The following CFAP91 variants were observed in gnomAD, a reference collection of about 807,000 sequenced individuals.
CFAP91 encodes the protein cilia- and flagella-associated protein 91.
Under a neutral mutation model 95.9 loss-of-function variants are expected in CFAP91, and 85 were observed. That is an observed-to-expected ratio of 0.89 (90% CI 0.74 to 1.06). CFAP91 has a LOEUF of 1.06. CFAP91 is among the 50% of genes least tolerant of loss of function. CFAP91 has a pLI of 0.00. For synonymous variants in CFAP91, 335 were observed against 327.5 expected (o/e 1.02, Z -0.25); for missense variants, 962 against 943.4 (o/e 1.02, Z -0.26).
chr3:119,752,519 ATGT>A (rs1182618385), intron 17 of CFAP91: 23 of 152,354 alleles, frequency 1.5e-4, no homozygotes, highest in African/African-American at 5.0e-4. Context: ...ATTACATGTA[ATGT>A]TATATATTGT....
Position 119,766,171 on chromosome 3 carries a change from A to G in CFAP91, c.*1121A>G, listed in dbSNP as rs1186433919. ...GGCAACACATTTATTAAGTGATCCAACATGGGATGGGAAGGAATGGGCAAA... is the reference window on the plus strand; with the variant it reads ...GGCAACACATTTATTAAGTGATCCAGCATGGGATGGGAAGGAATGGGCAAA... On this transcript the variant is annotated 3_prime_UTR_variant, in exon 18 of 18. Transcript: ENST00000273390. 6.6e-6 allele frequency: 1 copy of G among 152,246 alleles called. No individual in the cohort carries two copies. The highest frequency in any genetic ancestry group is 6.5e-5 in the Admixed American group (1 of 15,282). 9.4% of individuals were successfully genotyped at this position (152,246 alleles called of 1,614,324 possible).
At chr3:119,732,586 T>A in intron 9 of CFAP91, 110 bp downstream of exon 9, 1 of 784,484 alleles carries the variant, frequency 1.3e-6, no homozygotes, top group Non-Finnish European at 2.0e-6. Context: ...TAAAAATATT[T>A]GCAATAAACA....
Position 119,703,086 on chromosome 3 carries a change from A to G in CFAP91, c.-13A>G. 1 of 1,551,634 alleles carries G rather than the reference A, an allele frequency of 6.4e-7. No individual in the cohort carries two copies. Among genetic ancestry groups the G allele is most frequent in the Non-Finnish European group, 8.7e-7 (1 of 1,147,498 alleles). On this transcript the variant is annotated 5_prime_UTR_variant, in exon 1 of 18. Transcript: ENST00000273390. ...CGCTGGTCCCTTGCTGGCGGGAGGAAAGAGGCGGCACCATGAGCCACGCAG... is the reference window on the plus strand; with the variant it reads ...CGCTGGTCCCTTGCTGGCGGGAGGAGAGAGGCGGCACCATGAGCCACGCAG...
At chr3:119,705,524 T>C (rs2053342270) in intron 1 of CFAP91, among the ~76,000 whole-genome samples, 1 of 152,216 alleles carries the variant, frequency 6.6e-6, no homozygotes, top group South Asian at 2.1e-4. Context: ...GTATCAGGCA[T>C]GCTCCCATCC....
intron 14 of CFAP91, among the ~76,000 whole-genome samples, chr3:119,745,934 A>C (rs2054212525): frequency 6.6e-6 from 1 of 152,246 alleles, no homozygotes; most frequent in Admixed American, 6.5e-5. Context: ...ATTGTTACTG[A>C]GTCCCAGGCA....
At position 119,765,497 on chromosome 3, in the gene CFAP91, T is replaced by G. The variant is rs2054611901; in HGVS notation, c.*447T>G. 1 of 152,238 alleles carries G rather than the reference T, an allele frequency of 6.6e-6. No individual in the cohort carries two copies. The highest frequency in any genetic ancestry group is 1.5e-5 in the Non-Finnish European group (1 of 68,036). The allele number at this position is 152,238 out of a possible 1,614,324, so 9.4% of individuals were successfully genotyped here. ...TATTCAACAGAAATGCATGAGTATG[T>G]GCACCAACAGGCATGACAAAAATAT... On this transcript the variant is annotated 3_prime_UTR_variant, in exon 18 of 18. Coordinates refer to ENST00000273390, the MANE Select transcript of CFAP91 (RefSeq NM_033364.4).
At chr3:119,703,319 C>T in intron 1 of CFAP91, 97 bp downstream of exon 1, 2 of 1,542,890 alleles carry the variant, frequency 1.3e-6, no homozygotes, top group Non-Finnish European at 1.8e-6. Context: ...GCGAACGAAA[C>T]ACGACCCTCT....
chr3:119,734,341 C>T (rs903143911), intron 10 of CFAP91, among the ~76,000 whole-genome samples: 4 of 152,124 alleles, frequency 2.6e-5, no homozygotes, highest in South Asian at 2.1e-4. Context: ...TTATGTATAT[C>T]GAGGTGGTTC....
rs941282320 is a variant in CFAP91 at position 119,766,761 on chromosome 3, T to G, written c.*1711T>G. On this transcript the variant is annotated 3_prime_UTR_variant, in exon 18 of 18. Transcript: ENST00000273390. ...TGCACATGACTGTGTTCCAGTAAAATTTTATTTTAATTAAAATCAATTCAT... is the reference window on the plus strand; with the variant it reads ...TGCACATGACTGTGTTCCAGTAAAAGTTTATTTTAATTAAAATCAATTCAT... 1.3e-5 allele frequency: 2 copies of G among 152,228 alleles called. No homozygotes were observed. Among genetic ancestry groups the G allele is most frequent in the African/African-American group, 4.8e-5 (2 of 41,460 alleles). The allele number at this position is 152,228 out of a possible 1,614,324, so 9.4% of individuals were successfully genotyped here. A position where few individuals can be genotyped will look rare whatever the true frequency, so the allele number is the denominator to read the frequency against.
chr3:119,743,325 C>T (rs1275763235), intron 13 of CFAP91, among the ~76,000 whole-genome samples: 2 of 152,046 alleles, frequency 1.3e-5, no homozygotes, highest in Non-Finnish European at 2.9e-5. Flanking sequence ...TCCATATTGG[C>T]CAGGCTGGTC....
At chr3:119,753,304 G>A (rs2054360316) in intron 17 of CFAP91, among the ~76,000 whole-genome samples, 1 of 152,050 alleles carries the variant, frequency 6.6e-6, no homozygotes, top group African/African-American at 2.4e-5. Flanking sequence ...TTCTTCATTT[G>A]GGTAGGGACT....
intron 17 of CFAP91, among the ~76,000 whole-genome samples, chr3:119,760,903 T>C (rs2054526040): frequency 2.0e-5 from 3 of 151,250 alleles, no homozygotes; most frequent in African/African-American, 4.8e-5. Flanking sequence ...TATAGCAATA[T>C]GTGCTTGCAT....
intron 1 of CFAP91, 196 bp from the exon 2 acceptor site, chr3:119,706,613 T>G (rs573344975): frequency 2.3e-4 from 124 of 531,828 alleles, no homozygotes; most frequent in African/African-American, 2.1e-3. Context: ...GAAAAACATC[T>G]TGACAACTGT....
intron 3 of CFAP91, among the ~76,000 whole-genome samples, 187 bp downstream of exon 3, chr3:119,707,748 T>TATATATATATATATATAA (rs1254204222): frequency 2.0e-5 from 3 of 148,896 alleles, no homozygotes; most frequent in East Asian, 2.0e-4. Context: ...TATATATATA[T>TATATATATATATATATAA]AATTTTGTCA....
At chr3:119,716,650 G>A (rs901258565) in intron 6 of CFAP91, among the ~76,000 whole-genome samples, 7 of 152,114 alleles carry the variant, frequency 4.6e-5, no homozygotes, top group East Asian at 1.9e-4. Context: ...GCAGTGGTGC[G>A]ATCTTGGCTC....
intron 6 of CFAP91, among the ~76,000 whole-genome samples, chr3:119,720,329 T>G (rs1235753516): frequency 1.3e-5 from 2 of 149,258 alleles, no homozygotes; most frequent in East Asian, 2.0e-4. Flanking sequence ...CCCGGGAGGC[T>G]CTGCTTGCAG....
At chr3:119,734,147 A>G (rs1446306378) in intron 10 of CFAP91, among the ~76,000 whole-genome samples, 1 of 152,060 alleles carries the variant, frequency 6.6e-6, no homozygotes, top group Non-Finnish European at 1.5e-5. Flanking sequence ...GGGCTGGAGC[A>G]TTTGCCTTTT....
At chr3:119,732,839 G>A (rs936207348) in intron 9 of CFAP91, among the ~76,000 whole-genome samples, 1 of 152,172 alleles carries the variant, frequency 6.6e-6, no homozygotes, top group Non-Finnish European at 1.5e-5. Flanking sequence ...AAACTAGTGG[G>A]CAAGAGGATG....
In CFAP91 at chr3:119,737,475, C is replaced by A. The variant is rs766913590; in HGVS notation, c.1454C>A (p.Thr485Lys). 1 of 1,587,550 alleles carries A rather than the reference C, an allele frequency of 6.3e-7. No homozygotes were observed. The highest frequency in any genetic ancestry group is 8.6e-7 in the Non-Finnish European group (1 of 1,163,838). Reference sequence around the variant, plus strand: ...CTTCCAACTCCAACCTTGGAAATGACGTCCAATGTAAGTTGGAAACTTTTT... The same window carrying A: ...CTTCCAACTCCAACCTTGGAAATGAAGTCCAATGTAAGTTGGAAACTTTTT... ...PRLPTPTLEMTSNEEEEMEMA... is the reference protein window; with the variant it reads ...PRLPTPTLEMKSNEEEEMEMA... Residue 485 changes from threonine to lysine, a missense_variant, in exon 11 of 18, where the codon ACG (threonine) becomes AAG (lysine). Thr to Lys is a moderately conservative substitution (Grantham distance 78). Coordinates refer to ENST00000273390, the MANE Select transcript of CFAP91 (RefSeq NM_033364.4).
Sources: allele counts gnomAD v4.1 joint callset (sites outside exome capture counted in the v4.1 genomes callset), GRCh38; gene constraint gnomAD v4.1.1; transcripts MANE v1.5; gene names NCBI Gene and HGNC (gene_info 2026-07-23, HGNC 2026-07-21).